The following TAF3 variants were observed in gnomAD, a reference collection of about 807,000 sequenced individuals.
TAF3 encodes the protein transcription initiation factor TFIID subunit 3.
TAF3 carries 7 observed loss-of-function variants against 80.6 expected under a neutral mutation model. The ratio of observed to expected loss-of-function variants is 0.09; its 90% CI spans 0.05 to 0.16. The LOEUF (loss-of-function observed/expected upper bound fraction) is 0.16, where lower values mean the gene tolerates loss of function less well. Ranked by LOEUF, TAF3 falls within the 10% of genes least tolerant of loss-of-function variation. The probability of loss-of-function intolerance (pLI) is 1.00; values close to 1 mark genes in which losing one functional copy is unlikely to be tolerated. For synonymous variants in TAF3, 444 were observed against 446.1 expected, an observed-to-expected ratio of 1.00 and a Z score of 0.06; for missense variants, 921 against 1,140.2, an observed-to-expected ratio of 0.81 and a Z score of 2.77.
chr10:7,822,488 G>A (rs1588512070), intron 1 of TAF3, among the ~76,000 whole-genome samples: 1 of 149,630 alleles, frequency 6.7e-6, no homozygotes, highest in South Asian at 2.1e-4. Flanking sequence ...CATACTTATA[G>A]AAAAAAAAAA....
At chr10:7,875,108 C>G (rs1837302301) in intron 2 of TAF3, among the ~76,000 whole-genome samples, 1 of 152,034 alleles carries the variant, frequency 6.6e-6, no homozygotes, top group African/African-American at 2.4e-5. Context: ...AGACTGAAAC[C>G]AATCTTCATA....
intron 2 of TAF3, among the ~76,000 whole-genome samples, chr10:7,841,264 T>G (rs1202285125): frequency 1.3e-5 from 2 of 152,230 alleles, no homozygotes; most frequent in Non-Finnish European, 2.9e-5. Flanking sequence ...AATTGTTTCC[T>G]TCCTTCATTC....
chr10:7,912,306 C>G (rs1837664110), intron 2 of TAF3, among the ~76,000 whole-genome samples: 1 of 152,152 alleles, frequency 6.6e-6, no homozygotes, highest in Non-Finnish European at 1.5e-5. Context: ...CACGATGTTG[C>G]CCAAGCTGGT....
chr10:7,894,069 A>G (rs1462240168), intron 2 of TAF3, among the ~76,000 whole-genome samples: 1 of 152,178 alleles, frequency 6.6e-6, no homozygotes, highest in African/African-American at 2.4e-5. Context: ...TATTAGTACT[A>G]AAATTATCCT....
At position 8,001,592 on chromosome 10, in the gene TAF3, A is replaced by G. The variant is rs12218756; in HGVS notation, c.2316-7486A>G. Among the ~76,000 whole-genome samples, 533 of 152,268 alleles carry G rather than the reference A, an allele frequency of 3.5e-3. 3 individuals are homozygous for G. The East Asian group carries it at 0.036, about 10-fold the overall frequency. On this transcript the variant is annotated intron_variant, in intron 4 of 6. Coordinates refer to ENST00000344293, the MANE Select transcript of TAF3 (RefSeq NM_031923.4). The stretch of plus-strand genomic sequence containing the variant: ...GCCATATAAAATTGTCGTGCAGTCA[A>G]ATCAGCATTTCCCTTTATGGTTTCA...
chr10:7,971,492 G>T (rs1319728928), intron 3 of TAF3, among the ~76,000 whole-genome samples: 3 of 147,786 alleles, frequency 2.0e-5, no homozygotes, highest in Non-Finnish European at 4.5e-5. Flanking sequence ...AACATTAAAA[G>T]AATAAAAAAA....
intron 2 of TAF3, among the ~76,000 whole-genome samples, chr10:7,848,831 C>T (rs543297402): frequency 6.6e-6 from 1 of 152,250 alleles, no homozygotes; most frequent in Middle Eastern, 3.4e-3. Context: ...TGCCACATTT[C>T]ATAACTCTTC....
intron 2 of TAF3, among the ~76,000 whole-genome samples, chr10:7,900,875 A>G (rs1837551566): frequency 6.6e-6 from 1 of 152,094 alleles, no homozygotes; most frequent in Non-Finnish European, 1.5e-5. Context: ...AAAACTTTTT[A>G]AAAATCATAA....
At chr10:7,931,562 A>G (rs895237764) in intron 2 of TAF3, among the ~76,000 whole-genome samples, 2 of 152,240 alleles carry the variant, frequency 1.3e-5, no homozygotes, top group African/African-American at 4.8e-5. Flanking sequence ...GAAACTGTAA[A>G]ATAAACAGAC....
Position 7,964,675 on chromosome 10 carries a change from G to A in TAF3, c.1165G>A (p.Ala389Thr). ...TGTGGTAGCAGATAAAACGATTGAG[G>A]CCTCTATCGATGCTGTGATTGCACG... ...KAVVADKTIE[A>T]SIDAVIARAC... The change falls in exon 3 of 7, where the codon GCC becomes ACC. Residue 389 changes from alanine to threonine, a missense_variant. Coordinates refer to ENST00000344293, the MANE Select transcript of TAF3 (RefSeq NM_031923.4). The surrounding 1 kb of genome is among the most constrained non-coding windows in gnomAD (Gnocchi z 4.1). 3 of 1,614,180 alleles carry A rather than the reference G, an allele frequency of 1.9e-6. No individual in the cohort carries two copies. Among genetic ancestry groups the A allele is most frequent in the Non-Finnish European group, 2.5e-6 (3 of 1,180,034 alleles).
chr10:7,845,306 T>C (rs1342732337), intron 2 of TAF3, among the ~76,000 whole-genome samples: 1 of 151,742 alleles, frequency 6.6e-6, no homozygotes, highest in Non-Finnish European at 1.5e-5. Context: ...CTCCAGGTCT[T>C]TGTGTGTGTG....
rs1252003831 is a variant in TAF3 at position 8,016,551 on chromosome 10, C to G, written c.*1800C>G. On this transcript the variant is annotated 3_prime_UTR_variant, in exon 7 of 7. Coordinates refer to ENST00000344293, the MANE Select transcript of TAF3 (RefSeq NM_031923.4). ...ATACTTTATACAATATTTTCACATGCACAAAAATGCGCGTTAGTGGTTTTT... is the reference window on the plus strand; with the variant it reads ...ATACTTTATACAATATTTTCACATGGACAAAAATGCGCGTTAGTGGTTTTT... The G allele has an allele frequency of 2.0e-5, 3 of 151,310 alleles. No homozygotes were observed. Among genetic ancestry groups the G allele is most frequent in the Non-Finnish European group, 2.9e-5 (2 of 67,970 alleles). The allele number at this position is 151,310 out of a possible 1,614,324, so 9.4% of individuals were successfully genotyped here. A position where few individuals can be genotyped will look rare whatever the true frequency, so the allele number is the denominator to read the frequency against.
At chr10:7,961,551 T>C (rs1010140424) in intron 2 of TAF3, among the ~76,000 whole-genome samples, 6 of 152,170 alleles carry the variant, frequency 3.9e-5, no homozygotes, top group African/African-American at 1.2e-4. Context: ...TTCCTTTTCT[T>C]TTTATATATA....
At chr10:7,945,847 T>C (rs1354465734) in intron 2 of TAF3, among the ~76,000 whole-genome samples, 2 of 152,238 alleles carry the variant, frequency 1.3e-5, no homozygotes, top group Admixed American at 1.3e-4. Context: ...TAGCACTTAC[T>C]GTGAATTTTC....
intron 5 of TAF3, among the ~76,000 whole-genome samples, chr10:8,010,693 G>A (rs1404358630): frequency 6.6e-6 from 1 of 152,170 alleles, no homozygotes; most frequent in African/African-American, 2.4e-5. Context: ...GATCACTTGA[G>A]GTCAGGAGTT....
chr10:7,900,004 T>C lies in TAF3; in HGVS notation c.410-63916T>C, dbSNP rs138586365. ...TCCTCAGTGGACATGTTAGGCGGCG[T>C]CCACTCATATCCAACTCCCTTCTTA... On this transcript the variant is annotated intron_variant, in intron 2 of 6. Coordinates refer to ENST00000344293, the MANE Select transcript of TAF3 (RefSeq NM_031923.4). 4.9e-3 allele frequency among the ~76,000 whole-genome samples: 741 copies of C among 152,302 alleles called. 6 individuals are homozygous for C. The highest frequency in any genetic ancestry group is 0.017 in the African/African-American group (692 of 41,566).
intron 2 of TAF3, among the ~76,000 whole-genome samples, chr10:7,837,962 TA>T (rs1836869338): frequency 6.6e-6 from 1 of 152,272 alleles, no homozygotes; most frequent in Non-Finnish European, 1.5e-5. Flanking sequence ...TTTGTGTATG[TA>T]AAAGCAGCCA....
At chr10:7,926,828 A>G (rs1054751742) in intron 2 of TAF3, among the ~76,000 whole-genome samples, 7 of 152,184 alleles carry the variant, frequency 4.6e-5, no homozygotes, top group Admixed American at 3.3e-4. Flanking sequence ...CTTTGCTGCT[A>G]TTTAATCATG....
At chr10:7,880,347 CA>C (rs1434780725) in intron 2 of TAF3, among the ~76,000 whole-genome samples, 1 of 152,142 alleles carries the variant, frequency 6.6e-6, no homozygotes, top group Non-Finnish European at 1.5e-5. Flanking sequence ...CATCTGAAAA[CA>C]AAAACTATTT....
Sources: allele counts gnomAD v4.1 joint callset (sites outside exome capture counted in the v4.1 genomes callset), GRCh38; gene constraint gnomAD v4.1.1; non-coding constraint Gnocchi (gnomAD v3.1); transcripts MANE v1.5; gene names NCBI Gene and HGNC (gene_info 2026-07-23, HGNC 2026-07-21).